Variants in RPS6KA2 observed in about 807,000 individuals in gnomAD.
The protein encoded by RPS6KA2 is ribosomal protein S6 kinase A2.
A neutral mutation model predicts 91.8 loss-of-function variants in RPS6KA2; 42 were observed. The ratio of observed to expected loss-of-function variants is 0.46; its 90% confidence interval spans 0.36 to 0.59. RPS6KA2 has a LOEUF of 0.59. RPS6KA2 is among the 20% of genes least tolerant of loss of function. The pLI, the probability that RPS6KA2 is intolerant of heterozygous loss-of-function variation, is 0.00. For missense variants in RPS6KA2, 798 were observed against 978.5 expected (o/e 0.82, Z 2.46); for synonymous variants, 414 against 393.6 (o/e 1.05, Z -0.61).
chr6:166,433,217 G>A lies in RPS6KA2; in HGVS notation c.1333-727C>T, dbSNP rs1318534254. ...AGCCACAAAATGAGGTGAGGCGCAT[G>A]GCTCTCACCAAGAGATGCTGGGGAT... On this transcript the variant is annotated intron_variant, in intron 14 of 20. Transcript: ENST00000265678. This position sits in a 1 kb window ranked among gnomAD's most constrained non-coding sequence, Gnocchi z 4.4. Among the ~76,000 whole-genome samples the A allele has an allele frequency of 6.6e-6, 1 of 152,162 alleles. No individual in the cohort carries two copies. The highest frequency in any genetic ancestry group is 1.5e-5 in the Non-Finnish European group (1 of 68,024).
chr6:166,761,467 C>A (rs1414558500), intron 2 of RPS6KA2, among the ~76,000 whole-genome samples: 1 of 152,244 alleles, frequency 6.6e-6, no homozygotes, highest in African/African-American at 2.4e-5. Flanking sequence ...GCAGCTATTA[C>A]TGTGTATTGG....
rs56221865 is a variant in RPS6KA2, at chr6:166,779,300, A to T, written c.123+78900T>A. Reference sequence around the variant, plus strand: ...TAAAGTAAGCTTCAAAAGCAAAGAGACTGCCTTCCGTCCAGTAAAGATTTA... The same window carrying T: ...TAAAGTAAGCTTCAAAAGCAAAGAGTCTGCCTTCCGTCCAGTAAAGATTTA... On this transcript the variant is annotated intron_variant, in intron 2 of 21. Coordinates refer to the RPS6KA2 transcript ENST00000503859. Among the ~76,000 whole-genome samples, 705 of 152,302 alleles carry T rather than the reference A, an allele frequency of 4.6e-3. 1 individual carries two copies. Among genetic ancestry groups the T allele is most frequent in the Non-Finnish European group, 7.4e-3 (506 of 68,014 alleles).
Position 166,645,157 on chromosome 6 carries a change from G to A in RPS6KA2, c.124-106373C>T, listed in dbSNP as rs139145699. Among the ~76,000 whole-genome samples the A allele has an allele frequency of 6.4e-3, 974 of 152,260 alleles. 7 individuals are homozygous for A. The highest frequency in any genetic ancestry group is 0.022 in the African/African-American group (934 of 41,532). ...CTAGAAAATGAACGAAACTACTTAC[G>A]CATCCTTTAAAGCTAGCTATTAAAG... On this transcript the variant is annotated intron_variant, in intron 2 of 21. Transcript: ENST00000503859.
chr6:166,498,755 A>G, intron 7 of RPS6KA2, 105 bp from the exon 8 acceptor site: 1 of 1,412,682 alleles, frequency 7.1e-7, no homozygotes, highest in East Asian at 2.3e-5. Context: ...CCCCCTCTCC[A>G]GGTGGGCGCA....
chr6:166,459,682 T>G lies in RPS6KA2; in HGVS notation c.973-131A>C. 1 of 619,094 alleles carries G rather than the reference T, an allele frequency of 1.6e-6. No individual in the cohort carries two copies. The allele number at this position is 619,094 out of a possible 1,614,324, so 38.4% of individuals were successfully genotyped here. On this transcript the variant is annotated intron_variant, in intron 11 of 20. Transcript: ENST00000265678. This position sits in a 1 kb window ranked among gnomAD's most constrained non-coding sequence, Gnocchi z 4.9. ...CACAGACTGCATTGGCCTTGTGGAT[T>G]ACAAGGGATTTCTAAATACTCTGAA... is the stretch of plus-strand genomic sequence containing the variant.
chr6:166,585,769 G>C (rs889081932), intron 1 of RPS6KA2, among the ~76,000 whole-genome samples: 1 of 68,528 alleles, frequency 1.5e-5, no homozygotes, highest in Non-Finnish European at 2.4e-5. Context: ...TAAGCATATG[G>C]ATACTCTCTT....
At chr6:166,800,311 G>C (rs770704443) in intron 2 of RPS6KA2, among the ~76,000 whole-genome samples, 1 of 152,318 alleles carries the variant, frequency 6.6e-6, no homozygotes, top group South Asian at 2.1e-4. Flanking sequence ...GAGGACATGG[G>C]GGAGCAGCCC....
At chr6:166,570,513 T>C (rs540087635) in intron 1 of RPS6KA2, among the ~76,000 whole-genome samples, 1 of 152,342 alleles carries the variant, frequency 6.6e-6, no homozygotes, top group South Asian at 2.1e-4. Context: ...CTTAAAACTC[T>C]TGGACATTTC....
At chr6:166,719,703 G>A (rs972165993) in intron 2 of RPS6KA2, among the ~76,000 whole-genome samples, 3 of 152,274 alleles carry the variant, frequency 2.0e-5, no homozygotes, top group Middle Eastern at 6.8e-3. Flanking sequence ...TCATTAAAAC[G>A]TTCATCAACG....
chr6:166,819,182 A>T (rs749747924), intron 2 of RPS6KA2, among the ~76,000 whole-genome samples: 1 of 152,088 alleles, frequency 6.6e-6, no homozygotes, highest in East Asian at 1.9e-4. Flanking sequence ...CTTCTTCCCT[A>T]TAAGAGGGGT....
chr6:166,679,228 T>C (rs929050582), intron 2 of RPS6KA2, among the ~76,000 whole-genome samples: 3 of 150,948 alleles, frequency 2.0e-5, no homozygotes, highest in Non-Finnish European at 4.4e-5. Context: ...CTGAGGCGGG[T>C]GGATCACCTG....
At chr6:166,624,778 G>A (rs774537879) in intron 1 of RPS6KA2, among the ~76,000 whole-genome samples, 1 of 152,074 alleles carries the variant, frequency 6.6e-6, no homozygotes, top group Non-Finnish European at 1.5e-5. Flanking sequence ...ATTTTCACAA[G>A]TATCAAATAA....
intron 2 of RPS6KA2, among the ~76,000 whole-genome samples, chr6:166,857,262 A>G (rs1562473985): frequency 6.6e-6 from 1 of 152,116 alleles, no homozygotes; most frequent in Non-Finnish European, 1.5e-5. Context: ...AAGTCAACAG[A>G]GTTGCAAATT....
chr6:166,681,005 ACAG>A (rs1788788584), intron 2 of RPS6KA2, among the ~76,000 whole-genome samples: 1 of 152,140 alleles, frequency 6.6e-6, no homozygotes, highest in Non-Finnish European at 1.5e-5. Flanking sequence ...CTCTTTTTTA[ACAG>A]CAGCCGCTTG....
intron 1 of RPS6KA2, among the ~76,000 whole-genome samples, chr6:166,568,055 C>G (rs1784555051): frequency 6.6e-6 from 1 of 152,180 alleles, no homozygotes. Flanking sequence ...ACCGCCAGCC[C>G]CAGAATCGGC....
At chr6:166,574,245 T>G (rs1049086473) in intron 1 of RPS6KA2, among the ~76,000 whole-genome samples, 1 of 152,240 alleles carries the variant, frequency 6.6e-6, no homozygotes, top group Non-Finnish European at 1.5e-5. Context: ...GCCTGGGGTA[T>G]GGGTGGCCCC....
chr6:166,752,101 G>T (rs1345359368), intron 2 of RPS6KA2, among the ~76,000 whole-genome samples: 1 of 152,248 alleles, frequency 6.6e-6, no homozygotes. Context: ...ATGTGCATTT[G>T]TTAGAAATTA....
At chr6:166,807,001 T>C (rs939716726) in intron 2 of RPS6KA2, among the ~76,000 whole-genome samples, 3 of 152,086 alleles carry the variant, frequency 2.0e-5, no homozygotes, top group Non-Finnish European at 2.9e-5. Flanking sequence ...ACAAAGAAAA[T>C]TGCTAAATAA....
chr6:166,699,367 G>A (rs1037477194), intron 2 of RPS6KA2, among the ~76,000 whole-genome samples: 8 of 151,968 alleles, frequency 5.3e-5, no homozygotes, highest in Admixed American at 2.0e-4. Flanking sequence ...AGGTAAAAGG[G>A]CATTTTTTTG....
Sources: allele counts gnomAD v4.1 joint callset (sites outside exome capture counted in the v4.1 genomes callset), GRCh38; gene constraint gnomAD v4.1.1; non-coding constraint Gnocchi (gnomAD v3.1); transcripts MANE v1.5; gene names NCBI Gene and HGNC (gene_info 2026-07-23, HGNC 2026-07-21).